TBXAS1: variants seen among roughly 807,000 people sequenced by gnomAD.
The protein encoded by TBXAS1 is thromboxane-A synthase.
In TBXAS1, 48 loss-of-function variants were observed where a neutral mutation model predicts 60.7. That is an observed-to-expected ratio of 0.79 (90% CI 0.63 to 1.01). The LOEUF (loss-of-function observed/expected upper bound fraction) is 1.01, where lower values mean the gene tolerates loss of function less well. TBXAS1 is among the 50% of genes least tolerant of loss of function. TBXAS1 has a pLI of 0.00. For synonymous variants in TBXAS1, 287 were observed against 269.7 expected, an observed-to-expected ratio of 1.06 and a Z score of -0.63; for missense variants, 685 against 686.3, an observed-to-expected ratio of 1.00 and a Z score of 0.02.
At chr7:139,890,961 A>T (rs1803558141) in intron 3 of TBXAS1, among the ~76,000 whole-genome samples, 1 of 151,498 alleles carries the variant, frequency 6.6e-6, no homozygotes. Flanking sequence ...TCCTTAGTTT[A>T]TGCCAATAGT....
At chr7:140,002,595 C>A (rs528285783) in intron 9 of TBXAS1, among the ~76,000 whole-genome samples, 1 of 152,100 alleles carries the variant, frequency 6.6e-6, no homozygotes, top group African/African-American at 2.4e-5. Flanking sequence ...TGTTGTCTCG[C>A]TGGTTCGACT....
At chr7:139,872,409 C>G in intron 2 of TBXAS1, 81 bp downstream of exon 2, 1 of 1,394,970 alleles carries the variant, frequency 7.2e-7, no homozygotes, top group Non-Finnish European at 1.0e-6. Context: ...AATCCCAGCA[C>G]TTTGGGAGGC....
rs79770065 is a variant in TBXAS1, at chr7:139,806,617, T to A, written c.-80+19191T>A. ...CTAGGAGCTGGGGATTGAACACCTA[T>A]GCTCTGTTCCCCTTTTTCCAGGTCT... On this transcript the variant is annotated intron_variant, in intron 4 of 16. Transcript: ENST00000336425. Among the ~76,000 whole-genome samples the A allele has an allele frequency of 3.3e-3, 507 of 152,196 alleles. 4 individuals are homozygous for A. Among genetic ancestry groups the A allele is most frequent in the African/African-American group, 0.012 (481 of 41,504 alleles).
intron 9 of TBXAS1, among the ~76,000 whole-genome samples, chr7:139,986,095 C>T (rs1369320646): frequency 2.6e-5 from 4 of 152,160 alleles, no homozygotes; most frequent in Admixed American, 6.5e-5. Flanking sequence ...CGGAGGAGTG[C>T]CACAGAATGG....
intron 1 of TBXAS1, among the ~76,000 whole-genome samples, chr7:139,866,437 A>C (rs993467420): frequency 3.3e-5 from 5 of 152,134 alleles, no homozygotes; most frequent in African/African-American, 1.2e-4. Context: ...TAAATGAAAA[A>C]AGTAGAAATC....
At chr7:139,928,199 G>C (rs1467569883) in intron 4 of TBXAS1, among the ~76,000 whole-genome samples, 1 of 152,128 alleles carries the variant, frequency 6.6e-6, no homozygotes, top group Non-Finnish European at 1.5e-5. Context: ...TATTATGAAT[G>C]GGTGTCAGTT....
intron 9 of TBXAS1, among the ~76,000 whole-genome samples, chr7:139,978,319 G>T (rs1366785710): frequency 6.6e-6 from 1 of 152,062 alleles, no homozygotes; most frequent in Non-Finnish European, 1.5e-5. Context: ...AGATCAGCCT[G>T]GTCAACATGG....
chr7:139,846,015 G>A (rs1027993220), intron 1 of TBXAS1, among the ~76,000 whole-genome samples: 8 of 150,964 alleles, frequency 5.3e-5, no homozygotes, highest in Non-Finnish European at 7.4e-5. Flanking sequence ...TTGTAGAGAC[G>A]GGGTTTCTCC....
upstream of TBXAS1, among the ~76,000 whole-genome samples, chr7:139,828,961 G>A (rs560946573): frequency 5.6e-4 from 85 of 152,254 alleles, no homozygotes; most frequent in African/African-American, 2.0e-3. Context: ...ATAGATGGAT[G>A]TAGATATAGA....
intron 1 of TBXAS1, among the ~76,000 whole-genome samples, chr7:139,853,509 A>C (rs1405028366): frequency 6.6e-6 from 1 of 152,176 alleles, no homozygotes; most frequent in African/African-American, 2.4e-5. Flanking sequence ...TAATAACAGC[A>C]TGTTCCACAC....
intron 4 of TBXAS1, among the ~76,000 whole-genome samples, chr7:139,914,481 TGGGGGATATGATCCACCTTACTGG>T (rs544965872): frequency 6.6e-6 from 1 of 152,260 alleles, no homozygotes; most frequent in African/African-American, 2.4e-5. Flanking sequence ...GGCCTGGAGT[TGGGGGATATGATCCACCTTACTGG>T]GCTGTCATAA....
chr7:139,786,489 C>A (rs1412084043), intron 3 of TBXAS1, among the ~76,000 whole-genome samples: 2 of 152,140 alleles, frequency 1.3e-5, no homozygotes, highest in East Asian at 3.8e-4. Context: ...AGACCTTTTA[C>A]TTCCAACAAC....
rs929387089 is a variant in TBXAS1 at position 139,975,111 on chromosome 7, C to A, written c.1134+12878C>A. ...CAGAATTCTTTCTTCGCCAGAAAAC[C>A]TCAGTTTTTGCTCTTACGGCCTTCA... On this transcript the variant is annotated intron_variant, in intron 9 of 12. Transcript: ENST00000448866. This position sits in a 1 kb window ranked among gnomAD's most constrained non-coding sequence, Gnocchi z 4.4. Among the ~76,000 whole-genome samples, 1 of 152,172 alleles carries A rather than the reference C, an allele frequency of 6.6e-6. No individual in the cohort carries two copies. Among genetic ancestry groups the A allele is most frequent in the African/African-American group, 2.4e-5 (1 of 41,436 alleles).
intron 9 of TBXAS1, among the ~76,000 whole-genome samples, chr7:139,981,482 A>G (rs1811978333): frequency 6.6e-6 from 1 of 152,206 alleles, no homozygotes; most frequent in African/African-American, 2.4e-5. Flanking sequence ...AGTGAAGCAG[A>G]ATGGCTTTTT....
intron 2 of TBXAS1, among the ~76,000 whole-genome samples, chr7:139,781,837 CAAAA>C (rs200999267): frequency 8.9e-5 from 6 of 67,312 alleles, no homozygotes; most frequent in East Asian, 6.4e-4. Flanking sequence ...AATTCCATCT[CAAAA>C]AAAAAAAAAA....
At chr7:139,996,585 C>CT (rs1441414154) in intron 9 of TBXAS1, among the ~76,000 whole-genome samples, 1 of 152,252 alleles carries the variant, frequency 6.6e-6, no homozygotes, top group African/African-American at 2.4e-5. Context: ...GGTCCTCTTT[C>CT]TGTGTTTCTC....
intron 3 of TBXAS1, among the ~76,000 whole-genome samples, chr7:139,893,763 C>T (rs1182252144): frequency 2.0e-5 from 3 of 152,202 alleles, no homozygotes; most frequent in Non-Finnish European, 4.4e-5. Context: ...TATACCCATG[C>T]TCACACTGGC....
At chr7:139,909,581 G>A (rs529273930) in intron 3 of TBXAS1, among the ~76,000 whole-genome samples, 37 of 152,248 alleles carry the variant, frequency 2.4e-4, no homozygotes, top group African/African-American at 8.2e-4. Flanking sequence ...TGGAAAATAC[G>A]ATGACTCAGG....
intron 7 of TBXAS1, among the ~76,000 whole-genome samples, chr7:139,956,000 T>C (rs1809840643): frequency 6.6e-6 from 1 of 152,158 alleles, no homozygotes; most frequent in African/African-American, 2.4e-5. Flanking sequence ...AAGCCTTTCA[T>C]TTCCTAGGGC....
Sources: gnomAD v4.1 joint callset for allele counts (sites outside exome capture counted in the v4.1 genomes callset) on GRCh38, gnomAD v4.1.1 for gene constraint, Gnocchi (gnomAD v3.1) non-coding constraint, MANE v1.5 for transcripts, NCBI Gene and HGNC (gene_info 2026-07-23, HGNC 2026-07-21) for gene names.